Variants in MED12L observed in about 807,000 individuals in gnomAD.
MED12L encodes the protein mediator complex subunit 12L.
Under a neutral mutation model 281.3 loss-of-function variants are expected in MED12L, and 60 were observed. That is an observed-to-expected ratio of 0.21 (90% CI 0.17 to 0.26). The LOEUF is 0.26. Ranked by LOEUF, MED12L falls within the 10% of genes least tolerant of loss-of-function variation. MED12L has a pLI of 1.00. For missense variants in MED12L, 2,146 were observed against 2,680.9 expected (o/e 0.80, Z 4.41); for synonymous variants, 974 against 987.2 (o/e 0.99, Z 0.25).
At chr3:151,107,182 C>T (rs1037446438) in intron 2 of MED12L, among the ~76,000 whole-genome samples, 8 of 145,702 alleles carry the variant, frequency 5.5e-5, no homozygotes, top group African/African-American at 2.0e-4. Context: ...TGTTGTTTTT[C>T]GGAGTTGTTG....
chr3:151,087,266 G>T (rs986912496), intron 2 of MED12L, among the ~76,000 whole-genome samples: 1 of 152,198 alleles, frequency 6.6e-6, no homozygotes, highest in African/African-American at 2.4e-5. Flanking sequence ...TCCCGTTGCC[G>T]GGCCTTGCAC....
At chr3:151,260,183 G>T (rs890306694) in intron 16 of MED12L, among the ~76,000 whole-genome samples, 8 of 152,110 alleles carry the variant, frequency 5.3e-5, no homozygotes, top group African/African-American at 1.9e-4. Flanking sequence ...AATGGACACG[G>T]TGTTTAAAAA....
Position 151,433,391 on chromosome 3 carries a change from C to T in MED12L, c.*587C>T, listed in dbSNP as rs999258860. 2.0e-5 allele frequency: 3 copies of T among 152,576 alleles called. No homozygotes were observed. Among genetic ancestry groups the T allele is most frequent in the Non-Finnish European group, 4.4e-5 (3 of 68,012 alleles). The allele number at this position is 152,576 out of a possible 1,614,324, so 9.5% of individuals were successfully genotyped here. A position where few individuals can be genotyped will look rare whatever the true frequency, so the allele number is the denominator to read the frequency against. ...CTTATTTATGTAGGACTCTTCTTTG[C>T]TTTTGTTGTGGTCAAAAGGTGCTGA... On this transcript the variant is annotated 3_prime_UTR_variant, in exon 45 of 45. Transcript: ENST00000687756.
intron 3 of MED12L, among the ~76,000 whole-genome samples, chr3:151,116,736 G>T (rs1712876843): frequency 1.3e-5 from 2 of 152,092 alleles, no homozygotes; most frequent in South Asian, 2.1e-4. Flanking sequence ...CAGGTCAGTT[G>T]TCTGACATAC....
intron 16 of MED12L, among the ~76,000 whole-genome samples, chr3:151,336,294 C>T (rs1246348531): frequency 6.6e-6 from 1 of 152,152 alleles, no homozygotes; most frequent in Non-Finnish European, 1.5e-5. Flanking sequence ...TCTGTATCTC[C>T]ACTGACACTG....
chr3:151,421,052 A>C (rs1718188076), intron 43 of MED12L, among the ~76,000 whole-genome samples: 1 of 152,082 alleles, frequency 6.6e-6, no homozygotes, highest in Non-Finnish European at 1.5e-5. Context: ...CAAATTGGGC[A>C]CTCAGTGGTG....
At chr3:151,378,617 A>C (rs1711651960) in intron 31 of MED12L, among the ~76,000 whole-genome samples, 1 of 152,144 alleles carries the variant, frequency 6.6e-6, no homozygotes, top group Non-Finnish European at 1.5e-5. Context: ...TAGACTAGAC[A>C]TTAAGACTCC....
At chr3:151,184,185 TGAATAAAAATCTTG>T (rs1723009772) in intron 11 of MED12L, among the ~76,000 whole-genome samples, 1 of 152,216 alleles carries the variant, frequency 6.6e-6, no homozygotes, top group African/African-American at 2.4e-5. Flanking sequence ...TAGGGTATGA[TGAATAAAAATCTTG>T]GAATAAACTG....
At chr3:151,169,102 CTTTG>C (rs1201701047) in intron 11 of MED12L, among the ~76,000 whole-genome samples, 7 of 134,530 alleles carry the variant, frequency 5.2e-5, no homozygotes, top group South Asian at 2.4e-4. Flanking sequence ...TTTTCTTTTT[CTTTG>C]TTTTTTTTTT....
At chr3:151,154,790 A>C (rs1338217339) in intron 5 of MED12L, among the ~76,000 whole-genome samples, 1 of 152,230 alleles carries the variant, frequency 6.6e-6, no homozygotes, top group Non-Finnish European at 1.5e-5. Context: ...GTTAGTCCAT[A>C]ACAGGACAGA....
intron 16 of MED12L, among the ~76,000 whole-genome samples, chr3:151,296,207 A>G (rs1373411591): frequency 6.6e-6 from 1 of 152,120 alleles, no homozygotes; most frequent in Admixed American, 6.5e-5. Flanking sequence ...GAATTTTTAA[A>G]CCTTTTGCTT....
chr3:151,369,684 A>C (rs1755943214), intron 26 of MED12L, 135 bp downstream of exon 26: 1 of 572,672 alleles, frequency 1.7e-6, no homozygotes, highest in African/African-American at 1.9e-5. Flanking sequence ...TGGAAAAATT[A>C]GTGGTTTCTC....
At chr3:151,402,066 A>C (rs1321035543) in intron 39 of MED12L, among the ~76,000 whole-genome samples, 2 of 152,180 alleles carry the variant, frequency 1.3e-5, no homozygotes, top group Non-Finnish European at 2.9e-5. Context: ...CCAATGTACA[A>C]ATGCAATCAA....
At chr3:151,271,160 T>C (rs1272731480) in intron 16 of MED12L, among the ~76,000 whole-genome samples, 7 of 152,150 alleles carry the variant, frequency 4.6e-5, no homozygotes, top group Admixed American at 1.3e-4. Flanking sequence ...TAATTTTCAT[T>C]ACTCTATAAT....
At chr3:151,092,816 C>T (rs536998060) in intron 2 of MED12L, among the ~76,000 whole-genome samples, 1 of 152,318 alleles carries the variant, frequency 6.6e-6, no homozygotes, top group Admixed American at 6.5e-5. Context: ...TGCTGCAGAC[C>T]TCCCAGAATC....
chr3:151,309,840 C>T (rs1475463010), intron 16 of MED12L, among the ~76,000 whole-genome samples: 5 of 152,194 alleles, frequency 3.3e-5, no homozygotes, highest in African/African-American at 9.7e-5. Context: ...GGAATTTGGC[C>T]TCCTCTCTGA....
chr3:151,318,473 A>C (rs1246997573), intron 16 of MED12L, among the ~76,000 whole-genome samples: 1 of 151,608 alleles, frequency 6.6e-6, no homozygotes, highest in Non-Finnish European at 1.5e-5. Flanking sequence ...TTTTTTCATG[A>C]TGATTCATAA....
chr3:151,189,550 T>C (rs1435554078), intron 13 of MED12L, among the ~76,000 whole-genome samples: 1 of 152,200 alleles, frequency 6.6e-6, no homozygotes, highest in Non-Finnish European at 1.5e-5. Context: ...AACTCCTTAC[T>C]CCTGTGTCTT....
At chr3:151,128,049 A>G in intron 5 of MED12L, 65 bp downstream of exon 5, 1 of 1,433,770 alleles carries the variant, frequency 7.0e-7, no homozygotes, top group East Asian at 2.3e-5. Flanking sequence ...TGTTGCCTGT[A>G]CCCTCTGGAT....
Sources: allele counts gnomAD v4.1 joint callset (sites outside exome capture counted in the v4.1 genomes callset), GRCh38; gene constraint gnomAD v4.1.1; transcripts MANE v1.5; gene names NCBI Gene and HGNC (gene_info 2026-07-23, HGNC 2026-07-21).